KCND3: variants seen among roughly 807,000 people sequenced by gnomAD.
KCND3 encodes the protein A-type voltage-gated potassium channel KCND3.
In KCND3, 9 loss-of-function variants were observed where a neutral mutation model predicts 51.1. The ratio of observed to expected loss-of-function variants is 0.18; its 90% CI spans 0.11 to 0.31. The LOEUF is 0.31. KCND3 is among the 10% of genes least tolerant of loss of function. The pLI is 1.00. For synonymous variants in KCND3, 349 were observed against 368.0 expected (o/e 0.95, Z 0.59); for missense variants, 526 against 903.8 (o/e 0.58, Z 5.36).
rs1327482056 is a variant in KCND3, at chr1:111,893,778, G to T, written c.1106+87843C>A. On this transcript the variant is annotated intron_variant, in intron 2 of 7. Transcript: ENST00000302127. ...TGGCCTTGAAGGTAAAGCCAGCATTGGTCTTTGACCCAGGCAACTGGGTTA... is the reference window on the plus strand; with the variant it reads ...TGGCCTTGAAGGTAAAGCCAGCATTTGTCTTTGACCCAGGCAACTGGGTTA... 2.0e-5 allele frequency among the ~76,000 whole-genome samples: 3 copies of T among 152,164 alleles called. No individual in the cohort carries two copies. In the East Asian group the frequency reaches 5.8e-4, roughly 29 times the overall value.
At chr1:111,859,488 C>T (rs1001411835) in intron 2 of KCND3, among the ~76,000 whole-genome samples, 4 of 152,194 alleles carry the variant, frequency 2.6e-5, no homozygotes, top group African/African-American at 9.7e-5. Flanking sequence ...TGAAGGACAC[C>T]GGGGCCCAGA....
chr1:111,796,869 G>T (rs904733814), intron 2 of KCND3, among the ~76,000 whole-genome samples: 9 of 152,216 alleles, frequency 5.9e-5, no homozygotes, highest in Admixed American at 1.3e-4. Flanking sequence ...GAAAAGGGGT[G>T]GGCGACCCTT....
intron 1 of KCND3, among the ~76,000 whole-genome samples, chr1:111,983,258 C>T (rs187059844): frequency 2.0e-5 from 3 of 152,150 alleles, no homozygotes; most frequent in Non-Finnish European, 2.9e-5. Context: ...TAATCAGGAA[C>T]GGGGTGTAGA....
chr1:111,965,993 G>A (rs1318178704), intron 2 of KCND3, among the ~76,000 whole-genome samples: 2 of 152,082 alleles, frequency 1.3e-5, no homozygotes, highest in Non-Finnish European at 2.9e-5. Context: ...GCTTGTTTAG[G>A]AGGCTTTCAG....
chr1:111,846,277 G>A (rs990780795), intron 2 of KCND3, among the ~76,000 whole-genome samples: 3 of 152,144 alleles, frequency 2.0e-5, no homozygotes, highest in African/African-American at 2.4e-5. Flanking sequence ...CAAACACTCC[G>A]TGTTCTTTCA....
chr1:111,921,979 G>T (rs1457204765), intron 2 of KCND3, among the ~76,000 whole-genome samples: 1 of 152,162 alleles, frequency 6.6e-6, no homozygotes, highest in Non-Finnish European at 1.5e-5. Flanking sequence ...GGTAAGCAAT[G>T]ATTTAAAAAA....
chr1:111,779,546 G>T (rs1449526631), intron 5 of KCND3, among the ~76,000 whole-genome samples: 1 of 152,074 alleles, frequency 6.6e-6, no homozygotes, highest in Non-Finnish European at 1.5e-5. Flanking sequence ...TTCTGCCAAG[G>T]GTCCAGGGTT....
At chr1:111,968,734 C>G (rs968171664) in intron 2 of KCND3, among the ~76,000 whole-genome samples, 5 of 152,226 alleles carry the variant, frequency 3.3e-5, no homozygotes, top group African/African-American at 1.2e-4. Context: ...TTCTGACAGG[C>G]TCCCCCACCT....
At chr1:111,784,291 GTTAT>G (rs1293032037) in intron 3 of KCND3, among the ~76,000 whole-genome samples, 1 of 152,098 alleles carries the variant, frequency 6.6e-6, no homozygotes, top group Non-Finnish European at 1.5e-5. Context: ...ATTGCTCTGT[GTTAT>G]TTCTTACAAC....
chr1:111,777,059 A>G lies in KCND3; in HGVS notation c.1733T>C (p.Ile578Thr), dbSNP rs202226567. The change falls in exon 7 of 8, where the codon ATC becomes ACC. Residue 578 changes from isoleucine to threonine, a missense_variant. Physicochemically the swap from Ile to Thr is moderately conservative, Grantham distance 89 (BLOSUM62 -1). Transcript: ENST00000302127. ...RSMQELSTIH[I>T]QGSEQPSLTT... ...GAGGGAGGGCTGCTCACTGCCCTGG[A>G]TGTGGATCGTGCTGAGCTCTTGCAT... The G allele has an allele frequency of 5.0e-6, 8 of 1,613,736 alleles. No individual in the cohort carries two copies. Among genetic ancestry groups the G allele is most frequent in the Non-Finnish European group, 6.8e-6 (8 of 1,179,860 alleles).
intron 2 of KCND3, among the ~76,000 whole-genome samples, chr1:111,895,321 G>A (rs567172922): frequency 5.3e-5 from 8 of 152,166 alleles, no homozygotes; most frequent in African/African-American, 1.7e-4. Context: ...GTCAGGGGGA[G>A]GCCTTTGGGC....
chr1:111,882,444 G>C (rs1401130597), intron 2 of KCND3, among the ~76,000 whole-genome samples: 1 of 152,236 alleles, frequency 6.6e-6, no homozygotes, highest in Non-Finnish European at 1.5e-5. Context: ...GAACCTCTGA[G>C]GAAGAGAACA....
intron 2 of KCND3, among the ~76,000 whole-genome samples, chr1:111,918,017 C>A (rs1274012108): frequency 6.6e-6 from 1 of 152,200 alleles, no homozygotes; most frequent in Admixed American, 6.5e-5. Context: ...TCCTACCCTG[C>A]ATATTTGGCC....
intron 2 of KCND3, among the ~76,000 whole-genome samples, chr1:111,940,630 C>A (rs1672470294): frequency 6.6e-6 from 1 of 152,164 alleles, no homozygotes. Flanking sequence ...CTTACTGTAG[C>A]CTCCCACAAG....
At chr1:111,809,257 A>G (rs1200794364) in intron 2 of KCND3, among the ~76,000 whole-genome samples, 1 of 152,140 alleles carries the variant, frequency 6.6e-6, no homozygotes, top group Non-Finnish European at 1.5e-5. Flanking sequence ...GGGGATACAG[A>G]ACCCAATGTC....
At chr1:111,910,013 C>G (rs560974805) in intron 2 of KCND3, 1 of 152,206 alleles carries the variant, frequency 6.6e-6, no homozygotes, top group Non-Finnish European at 1.5e-5. Context: ...CACGTTTTGG[C>G]GAGCAAATGC....
In KCND3 at chr1:111,770,857, T is replaced by C. The variant is rs1357873468; in HGVS notation, c.*5220A>G. 1 of 152,174 alleles carries C rather than the reference T, an allele frequency of 6.6e-6. No homozygotes were observed. Among genetic ancestry groups the C allele is most frequent in the East Asian group, 1.9e-4 (1 of 5,198 alleles). The allele number at this position is 152,174 out of a possible 1,614,324, so 9.4% of individuals were successfully genotyped here. On this transcript the variant is annotated 3_prime_UTR_variant, in exon 8 of 8. Transcript: ENST00000302127. ...TTCATGTTTTATCTTCCTGCAGTTT[T>C]GTACAGTATATTTCTTCTTTGCCAT...
chr1:111,923,234 C>T (rs1416047773), intron 2 of KCND3, among the ~76,000 whole-genome samples: 1 of 152,208 alleles, frequency 6.6e-6, no homozygotes, highest in Non-Finnish European at 1.5e-5. Context: ...GAGGACACGG[C>T]TCATCAGAAT....
chr1:111,943,254 C>T (rs1364234057), intron 2 of KCND3, among the ~76,000 whole-genome samples: 2 of 152,180 alleles, frequency 1.3e-5, no homozygotes, highest in Non-Finnish European at 2.9e-5. Context: ...CCAAGAAGAG[C>T]AGCTGCAAAT....
Sources: allele counts gnomAD v4.1 joint callset (sites outside exome capture counted in the v4.1 genomes callset), GRCh38; gene constraint gnomAD v4.1.1; transcripts MANE v1.5; gene names NCBI Gene and HGNC (gene_info 2026-07-23, HGNC 2026-07-21).